ELAPOR1: variants seen among roughly 807,000 people sequenced by gnomAD.
ELAPOR1 encodes endosome/lysosome-associated apoptosis and autophagy regulator 1.
ELAPOR1 carries 77 observed loss-of-function variants against 119.7 expected under a neutral mutation model. The observed-to-expected ratio is 0.64, with a 90% CI of 0.54 to 0.78. ELAPOR1 has a LOEUF of 0.78. ELAPOR1 is among the 30% of genes least tolerant of loss of function. The probability of loss-of-function intolerance (pLI) is 0.00; values close to 1 mark genes in which losing one functional copy is unlikely to be tolerated. For missense variants in ELAPOR1, 1,115 were observed against 1,270.4 expected (o/e 0.88, Z 1.86); for synonymous variants, 481 against 487.2 (o/e 0.99, Z 0.17).
chr1:109,145,559 G>A (rs1650124772), intron 1 of ELAPOR1, among the ~76,000 whole-genome samples: 1 of 152,164 alleles, frequency 6.6e-6, no homozygotes, highest in Admixed American at 6.6e-5. Flanking sequence ...GGGAGGCTGA[G>A]GCAGGAGAAT....
intron 1 of ELAPOR1, among the ~76,000 whole-genome samples, chr1:109,133,355 C>CAA (rs10708270): frequency 2.2e-5 from 3 of 138,120 alleles, no homozygotes; most frequent in African/African-American, 7.7e-5. Flanking sequence ...AAGTAGAAGC[C>CAA]AAAAAAAAAA....
intron 1 of ELAPOR1, among the ~76,000 whole-genome samples, chr1:109,151,820 G>A (rs1398526059): frequency 2.0e-5 from 3 of 151,150 alleles, no homozygotes; most frequent in Non-Finnish European, 4.4e-5. Flanking sequence ...ACTACCTATT[G>A]ACTCTGCTAT....
At chr1:109,126,006 C>CCCACTTAGGTGGT (rs1648754836) in intron 1 of ELAPOR1, among the ~76,000 whole-genome samples, 1 of 152,216 alleles carries the variant, frequency 6.6e-6, no homozygotes. Context: ...TTCACATTTC[C>CCCACTTAGGTGGT]CCACTTAGGT....
chr1:109,171,274 G>A (rs886761899), intron 3 of ELAPOR1, among the ~76,000 whole-genome samples: 2 of 152,128 alleles, frequency 1.3e-5, no homozygotes, highest in African/African-American at 2.4e-5. Flanking sequence ...CTGACTAGGC[G>A]CAGTGGCTCA....
chr1:109,173,477 G>A lies in ELAPOR1; in HGVS notation c.700G>A (p.Glu234Lys). ...TGCTCCTGTTTGTGGTTTTTAGGTG[G>A]AGCTAAATCGAGGCAATAATGTCCT... ...TEKGWEFHSV[E>K]LNRGNNVLYW... is the part of the protein sequence containing the mutation. Residue 234 changes from glutamate to lysine, a missense_variant, in exon 6 of 22, where the codon GAG becomes AAG. Glu to Lys is a moderately conservative substitution (Grantham distance 56). Transcript: ENST00000369939. The A allele has an allele frequency of 1.2e-6, 2 of 1,613,680 alleles. No individual in the cohort carries two copies. Among genetic ancestry groups the A allele is most frequent in the Non-Finnish European group, 1.7e-6 (2 of 1,179,784 alleles).
chr1:109,178,011 CTTT>C (rs61317397), intron 7 of ELAPOR1, among the ~76,000 whole-genome samples: 3 of 135,732 alleles, frequency 2.2e-5, no homozygotes, highest in African/African-American at 5.6e-5. Flanking sequence ...TTTTTTCTTT[CTTT>C]TTTTTTTTTT....
At chr1:109,190,713 A>C (rs957060487) in intron 11 of ELAPOR1, among the ~76,000 whole-genome samples, 1 of 152,152 alleles carries the variant, frequency 6.6e-6, no homozygotes, top group African/African-American at 2.4e-5. Flanking sequence ...TCTGATCGTC[A>C]TAGTAAAGTG....
At chr1:109,178,019 T>A (rs1276529278) in intron 7 of ELAPOR1, among the ~76,000 whole-genome samples, 5 of 150,716 alleles carry the variant, frequency 3.3e-5, no homozygotes, top group Non-Finnish European at 7.4e-5. Context: ...TTCTTTTTTT[T>A]TTTTTTTGAG....
At chr1:109,183,000 G>T (rs1652791506) in intron 7 of ELAPOR1, among the ~76,000 whole-genome samples, 1 of 152,146 alleles carries the variant, frequency 6.6e-6, no homozygotes, top group Non-Finnish European at 1.5e-5. Flanking sequence ...AGTAGTGGTG[G>T]CAGTAGTAAC....
intron 7 of ELAPOR1, among the ~76,000 whole-genome samples, chr1:109,184,193 G>A (rs547546782): frequency 6.6e-6 from 1 of 152,272 alleles, no homozygotes; most frequent in South Asian, 2.1e-4. Flanking sequence ...CCAACATGGA[G>A]AAACTCCGTC....
chr1:109,128,394 T>C (rs748507757), intron 1 of ELAPOR1, among the ~76,000 whole-genome samples: 3 of 152,286 alleles, frequency 2.0e-5, no homozygotes, highest in Middle Eastern at 3.4e-3. Flanking sequence ...AAAACTGAAA[T>C]TGGCTAATTT....
rs1654126843 is a variant in ELAPOR1 at position 109,200,868 on chromosome 1, C to T, written c.2941C>T (p.Leu981Phe). 1 of 1,614,178 alleles carries T rather than the reference C, an allele frequency of 6.2e-7. No homozygotes were observed. Among genetic ancestry groups the T allele is most frequent in the East Asian group, 2.2e-5 (1 of 44,888 alleles). The stretch of plus-strand genomic sequence containing the variant: ...CCTCATCTTTACCAGCAAGAAGTCA[C>T]TCTTTGGGAAGATCAAATCATTTAC... Reference protein sequence around the residue: ...DDLIFTSKKSLFGKIKSFTSK... With the variant: ...DDLIFTSKKSFFGKIKSFTSK... The change falls in exon 21 of 22, where the codon CTC (leucine) becomes TTC (phenylalanine). Residue 981 changes from leucine (L) to phenylalanine (F), a missense_variant. Physicochemically the swap from Leu to Phe is conservative, Grantham distance 22. Coordinates refer to ENST00000369939, the MANE Select transcript of ELAPOR1 (RefSeq NM_020775.5).
chr1:109,191,847 C>A lies in ELAPOR1; in HGVS notation c.1667C>A (p.Thr556Asn). 1 of 1,614,196 alleles carries A rather than the reference C, an allele frequency of 6.2e-7. No individual in the cohort carries two copies. The highest frequency in any genetic ancestry group is 1.1e-5 in the South Asian group (1 of 91,082). The change falls in exon 13 of 22, where the codon ACC becomes AAC. Residue 556 changes from threonine (T) to asparagine (N), a missense_variant. Thr to Asn is a moderately conservative substitution (Grantham distance 65). Transcript: ENST00000369939. ...TTSFTWAFQR[T>N]TFHEASRKYT... ...AGCTTCACCTGGGCCTTCCAGAGGA[C>A]CACTTTTCATGAGGCAGTAAGTTCC...
At position 109,197,670 on chromosome 1, in the gene ELAPOR1, G is replaced by C; in HGVS notation, c.2302+16G>C. The C allele has an allele frequency of 1.3e-6, 2 of 1,594,576 alleles. No homozygotes were observed. The highest frequency in any genetic ancestry group is 8.5e-7 in the Non-Finnish European group (1 of 1,171,306). ...CGACTTATTGGTGAGTAACTCCGCT[G>C]CCTCAGCCTTGTTTGAGAGTGTGTG... On this transcript the variant is annotated intron_variant, in intron 16 of 21. Coordinates refer to ENST00000369939, the MANE Select transcript of ELAPOR1 (RefSeq NM_020775.5).
intron 1 of ELAPOR1, among the ~76,000 whole-genome samples, chr1:109,118,470 T>A (rs1570592533): frequency 6.6e-6 from 1 of 152,152 alleles, no homozygotes; most frequent in Non-Finnish European, 1.5e-5. Flanking sequence ...ATGGTTGAGG[T>A]GGGCCAACAG....
At chr1:109,173,382 A>G (rs768349210) in intron 5 of ELAPOR1, 92 bp from the exon 6 acceptor site, 32 of 994,018 alleles carry the variant, frequency 3.2e-5, no homozygotes, top group Non-Finnish European at 4.7e-5. Flanking sequence ...CCATGCAGTT[A>G]GTAAGAGAAG....
At chr1:109,134,472 G>C (rs1649337030) in intron 1 of ELAPOR1, among the ~76,000 whole-genome samples, 1 of 151,996 alleles carries the variant, frequency 6.6e-6, no homozygotes. Context: ...CCCCCAAGAA[G>C]AAAAGTAGCT....
Position 109,200,626 on chromosome 1 carries a change from C to T in ELAPOR1, c.2808-109C>T, listed in dbSNP as rs575473039. ...CACCATTTTACCATGCTTCAGTCTC[C>T]TTACCCATGGCATGGGAATAGGACC... On this transcript the variant is annotated intron_variant, in intron 20 of 21. Transcript: ENST00000369939. 6.8e-6 allele frequency: 7 copies of T among 1,031,958 alleles called. No homozygotes were observed. In the South Asian group the frequency reaches 9.6e-5, roughly 14 times the overall value. 63.9% of individuals were successfully genotyped at this position (1,031,958 alleles called of 1,614,324 possible).
At chr1:109,155,177 A>G (rs1019840556) in intron 1 of ELAPOR1, among the ~76,000 whole-genome samples, 1 of 151,732 alleles carries the variant, frequency 6.6e-6, no homozygotes, top group African/African-American at 2.4e-5. Context: ...GAACATCATT[A>G]TATATATATA....
Sources: allele counts gnomAD v4.1 joint callset (sites outside exome capture counted in the v4.1 genomes callset), GRCh38; gene constraint gnomAD v4.1.1; transcripts MANE v1.5; gene names NCBI Gene and HGNC (gene_info 2026-07-23, HGNC 2026-07-21).